The following CSNK2A1 variants were observed in gnomAD, a reference collection of about 807,000 sequenced individuals.
CSNK2A1 encodes casein kinase II subunit alpha.
Under a neutral mutation model 62.9 loss-of-function variants are expected in CSNK2A1, and 10 were observed. The observed-to-expected ratio is 0.16, with a 90% CI of 0.10 to 0.27. CSNK2A1 has a LOEUF of 0.27. Among genes scored for constraint, CSNK2A1 ranks in the 10% least tolerant of loss-of-function variants. CSNK2A1 has a pLI of 1.00. For synonymous variants in CSNK2A1, 124 were observed against 167.8 expected (o/e 0.74, Z 2.02); for missense variants, 160 against 492.0 (o/e 0.33, Z 6.38).
chr20:502,706 A>G (rs773600900), intron 4 of CSNK2A1: 1 of 152,264 alleles, frequency 6.6e-6, no homozygotes, highest in Non-Finnish European at 1.5e-5. Flanking sequence ...ACAATTACCT[A>G]GAAGAGATAG....
At chr20:517,478 T>C (rs1377022534) in intron 2 of CSNK2A1, among the ~76,000 whole-genome samples, 1 of 152,146 alleles carries the variant, frequency 6.6e-6, no homozygotes, top group African/African-American at 2.4e-5. Flanking sequence ...CAATCTCAAG[T>C]GATCAGTGCT....
chr20:534,447 A>G (rs2019271336), intron 1 of CSNK2A1, among the ~76,000 whole-genome samples: 2 of 152,188 alleles, frequency 1.3e-5, no homozygotes, highest in South Asian at 4.1e-4. Context: ...TCAGATTTTA[A>G]ATGATGGAAA....
intron 1 of CSNK2A1, among the ~76,000 whole-genome samples, chr20:534,840 G>C (rs1010976438): frequency 3.4e-5 from 5 of 146,930 alleles, no homozygotes; most frequent in Non-Finnish European, 7.5e-5. Flanking sequence ...ACCAGCCTGG[G>C]AAACACAGTG....
chr20:478,310 AG>A lies in CSNK2A1; in HGVS notation c.*5650del, dbSNP rs962258189. 40 of 160,524 alleles carry A rather than the reference AG, an allele frequency of 2.5e-4. No individual in the cohort carries two copies. The highest frequency in any genetic ancestry group is 4.7e-4 in the Non-Finnish European group (34 of 72,358). The allele number at this position is 160,524 out of a possible 1,614,324, so 9.9% of individuals were successfully genotyped here. A position where few individuals can be genotyped will look rare whatever the true frequency, so the allele number is the denominator to read the frequency against. On this transcript the variant is annotated 3_prime_UTR_variant, in exon 14 of 14. Coordinates refer to ENST00000217244, the MANE Select transcript of CSNK2A1 (RefSeq NM_177559.3). ...TTGAGGGTTATGGAGGGTTCTTCAT[AG>A]GAAGTTCACCATGGAGTTCTTGGAA...
intron 13 of CSNK2A1, among the ~76,000 whole-genome samples, chr20:485,157 C>A (rs2018070338): frequency 9.4e-6 from 1 of 106,088 alleles, no homozygotes; most frequent in Non-Finnish European, 1.8e-5. Flanking sequence ...ATTATACATT[C>A]TTCTCCACTC....
intron 10 of CSNK2A1, 98 bp downstream of exon 10, chr20:489,682 C>A: frequency 1.1e-6 from 1 of 917,542 alleles, no homozygotes. Context: ...GGATCAATAT[C>A]GGGGTGGCTG....
chr20:519,662 T>C (rs2018903587), intron 2 of CSNK2A1, among the ~76,000 whole-genome samples: 1 of 152,228 alleles, frequency 6.6e-6, no homozygotes, highest in African/African-American at 2.4e-5. Flanking sequence ...AGTAGTTTAA[T>C]ACCTGCAGTG....
chr20:495,388 C>T, intron 8 of CSNK2A1: 1 of 262,814 alleles, frequency 3.8e-6, no homozygotes, highest in South Asian at 4.9e-5. Flanking sequence ...TTATTACCCA[C>T]ACTGTACACG....
chr20:531,775 C>T (rs2019218386), intron 1 of CSNK2A1, among the ~76,000 whole-genome samples: 1 of 152,190 alleles, frequency 6.6e-6, no homozygotes. Flanking sequence ...GTATCCTAGG[C>T]TTCAGAGTAT....
intron 13 of CSNK2A1, among the ~76,000 whole-genome samples, chr20:485,824 C>T (rs2018085382): frequency 6.6e-6 from 1 of 152,148 alleles, no homozygotes; most frequent in Admixed American, 6.5e-5. Context: ...TTGGATGTTG[C>T]CTATATGTAT....
intron 4 of CSNK2A1, chr20:501,853 T>C (rs1352311852): frequency 1.3e-5 from 2 of 152,164 alleles, no homozygotes; most frequent in South Asian, 2.1e-4. Flanking sequence ...CCCACCAAGA[T>C]TCACTAAATC....
chr20:505,270 T>C, intron 3 of CSNK2A1, 41 bp from the exon 4 acceptor site: 1 of 1,466,126 alleles, frequency 6.8e-7, no homozygotes, highest in South Asian at 1.2e-5. Context: ...GGTCAAATTA[T>C]CAGCATCAAT....
chr20:514,165 G>A (rs376805141), intron 2 of CSNK2A1, among the ~76,000 whole-genome samples: 2 of 152,002 alleles, frequency 1.3e-5, no homozygotes, highest in African/African-American at 2.4e-5. Context: ...GCAACACAGC[G>A]AGACCTCCTC....
At chr20:540,934 A>C (rs1222172925) in intron 1 of CSNK2A1, 1 of 152,194 alleles carries the variant, frequency 6.6e-6, no homozygotes, top group East Asian at 1.9e-4. Flanking sequence ...CCTTGGTGGA[A>C]ACTGGGAAAT....
chr20:523,852 C>T (rs1033882234), intron 2 of CSNK2A1, among the ~76,000 whole-genome samples: 3 of 118,742 alleles, frequency 2.5e-5, no homozygotes, highest in African/African-American at 1.1e-4. Context: ...GAGCAAGACT[C>T]CATCTCAAAA....
chr20:520,968 C>T (rs995133196), intron 2 of CSNK2A1, among the ~76,000 whole-genome samples: 2 of 152,072 alleles, frequency 1.3e-5, no homozygotes, highest in Non-Finnish European at 2.9e-5. Flanking sequence ...AGGCAAGACT[C>T]TACCTCTGGG....
At chr20:535,442 C>T (rs1419898819) in intron 1 of CSNK2A1, among the ~76,000 whole-genome samples, 1 of 152,090 alleles carries the variant, frequency 6.6e-6, no homozygotes, top group East Asian at 1.9e-4. Flanking sequence ...CATTTGTAGC[C>T]ATTCTATATA....
rs1193280723 is a variant in CSNK2A1 at position 484,049 on chromosome 20, G to T, written c.1088C>A (p.Pro363His). The T allele has an allele frequency of 3.1e-6, 5 of 1,610,778 alleles. No individual in the cohort carries two copies. Among genetic ancestry groups the T allele is most frequent in the Non-Finnish European group, 4.2e-6 (5 of 1,178,516 alleles). ...SGISSVPTPS[P>H]LGPLAGSPVI... ...TGGTGAGCCTGCCAGAGGTCCAAGGGGTGAAGGGGTTGGCACTGAAGAAAT... is the reference window on the plus strand; with the variant it reads ...TGGTGAGCCTGCCAGAGGTCCAAGGTGTGAAGGGGTTGGCACTGAAGAAAT... Residue 363 changes from proline to histidine, a missense_variant, in exon 14 of 14, where the codon CCC becomes CAC. Physicochemically the swap from Pro to His is moderately conservative, Grantham distance 77. Transcript: ENST00000217244.
intron 2 of CSNK2A1, among the ~76,000 whole-genome samples, chr20:508,882 A>C (rs2018659554): frequency 6.6e-6 from 1 of 152,230 alleles, no homozygotes; most frequent in Non-Finnish European, 1.5e-5. Flanking sequence ...ATTTTGCCAA[A>C]TATCCTGTTA....
Sources: gnomAD v4.1 joint callset for allele counts (sites outside exome capture counted in the v4.1 genomes callset) on GRCh38, gnomAD v4.1.1 for gene constraint, MANE v1.5 for transcripts, NCBI Gene and HGNC (gene_info 2026-07-23, HGNC 2026-07-21) for gene names.